Variants in TOR3A observed in about 807,000 individuals in gnomAD.
The protein encoded by TOR3A is torsin family 3 member A.
Under a neutral mutation model 42.1 loss-of-function variants are expected in TOR3A, and 44 were observed. The observed-to-expected ratio is 1.04, with a 90% CI of 0.82 to 1.34. TOR3A has a LOEUF of 1.34. TOR3A is among the 40% of genes most tolerant of loss of function. The probability of loss-of-function intolerance (pLI) is 0.00; values close to 1 mark genes in which losing one functional copy is unlikely to be tolerated. For missense variants in TOR3A, 521 were observed against 507.6 expected, an observed-to-expected ratio of 1.03 and a Z score of -0.25; for synonymous variants, 227 against 213.2, an observed-to-expected ratio of 1.06 and a Z score of -0.57.
intron 1 of TOR3A, 200 bp downstream of exon 1, chr1:179,082,587 C>T (rs1652319843): frequency 1.3e-5 from 11 of 822,488 alleles, no homozygotes; most frequent in South Asian, 1.3e-4. Context: ...CCCGCGTCCC[C>T]TGCGCACCCC....
intron 3 of TOR3A, among the ~76,000 whole-genome samples, chr1:179,086,583 G>A (rs1392466312): frequency 1.3e-5 from 2 of 151,664 alleles, no homozygotes; most frequent in African/African-American, 2.4e-5. Context: ...GGAGAATGGC[G>A]TGAACCCGGG....
chr1:179,094,947 T>TAA lies in TOR3A; in HGVS notation c.944-20_944-19dup, dbSNP rs754629551. On this transcript the variant is annotated intron_variant, in intron 5 of 5. Coordinates refer to ENST00000367627, the MANE Select transcript of TOR3A (RefSeq NM_022371.4). The stretch of plus-strand genomic sequence containing the variant: ...GTTCAGTCCTAGGTCAGACTCCATG[T>TAA]AACTTTGGTCTTGCTTTCAGACAAT... The TAA allele has an allele frequency of 3.7e-6, 6 of 1,613,616 alleles. No homozygotes were observed. The Admixed American group carries it at 1.0e-4, about 27-fold the overall frequency.
chr1:179,095,607 T>G lies in TOR3A; in HGVS notation c.*389T>G. Reference sequence around the variant, plus strand: ...GCTTATTATGACACTCCAGATGGTCTCCTTAGCATCTCAGCTCTTCTGCAA... The same window carrying G: ...GCTTATTATGACACTCCAGATGGTCGCCTTAGCATCTCAGCTCTTCTGCAA... On this transcript the variant is annotated 3_prime_UTR_variant, in exon 6 of 6. Transcript: ENST00000367627. The G allele has an allele frequency of 9.4e-7, 1 of 1,065,876 alleles. No homozygotes were observed. The highest frequency in any genetic ancestry group is 1.1e-6 in the Non-Finnish European group (1 of 880,308). The allele number at this position is 1,065,876 out of a possible 1,614,324, so 66.0% of individuals were successfully genotyped here. A position where few individuals can be genotyped will look rare whatever the true frequency, so the allele number is the denominator to read the frequency against.
intron 1 of TOR3A, 130 bp downstream of exon 1, chr1:179,082,517 C>A: frequency 7.4e-7 from 1 of 1,348,268 alleles, no homozygotes; most frequent in Non-Finnish European, 9.9e-7. Flanking sequence ...GCCGCCGGTA[C>A]CGGCTGTGGG....
At chr1:179,086,241 C>T (rs565488379) in intron 3 of TOR3A, among the ~76,000 whole-genome samples, 48 of 152,370 alleles carry the variant, frequency 3.2e-4, no homozygotes, top group Admixed American at 5.9e-4. Context: ...ACTCTCCACA[C>T]GGACACACCC....
intron 2 of TOR3A, among the ~76,000 whole-genome samples, chr1:179,084,662 T>C (rs948532998): frequency 6.6e-6 from 1 of 152,252 alleles, no homozygotes; most frequent in African/African-American, 2.4e-5. Context: ...CTACTACTTT[T>C]GGAGCAATGT....
chr1:179,082,908 T>C, intron 1 of TOR3A, 32 bp from the exon 2 acceptor site: 1 of 1,435,660 alleles, frequency 7.0e-7, no homozygotes, highest in South Asian at 1.3e-5. Context: ...CCGGATGGTC[T>C]CCTCTCGGTC....
At chr1:179,092,002 A>G (rs1291312931) in intron 4 of TOR3A, among the ~76,000 whole-genome samples, 1 of 152,220 alleles carries the variant, frequency 6.6e-6, no homozygotes, top group African/African-American at 2.4e-5. Context: ...AGCACTGCAG[A>G]TGGCCCTTGT....
chr1:179,093,003 CA>C (rs1449311872), intron 4 of TOR3A, among the ~76,000 whole-genome samples: 1 of 152,058 alleles, frequency 6.6e-6, no homozygotes, highest in Non-Finnish European at 1.5e-5. Flanking sequence ...AGACTGTCTC[CA>C]AAAAGAGAGA....
chr1:179,089,438 C>A (rs1030989821), intron 4 of TOR3A, among the ~76,000 whole-genome samples: 2 of 151,674 alleles, frequency 1.3e-5, no homozygotes, highest in African/African-American at 4.9e-5. Context: ...AAATGCATTG[C>A]GAAGTGGGAG....
chr1:179,088,005 T>C lies in TOR3A; in HGVS notation c.734T>C (p.Leu245Pro). Reference sequence around the variant, plus strand: ...GCGGAGAAGCTGCACCCAGGGCTGCTGGAGGTCCTTGGGCCACACTTAGAA... The same window carrying C: ...GCGGAGAAGCTGCACCCAGGGCTGCCGGAGGTCCTTGGGCCACACTTAGAA... ...DEAEKLHPGLLEVLGPHLERR... is the reference protein window; with the variant it reads ...DEAEKLHPGLPEVLGPHLERR... Residue 245 changes from leucine (L) to proline (P), a missense_variant, in exon 4 of 6, where the codon CTG (leucine) becomes CCG (proline). By Grantham distance (98) the Leu-to-Pro change is moderately conservative (BLOSUM62 -3). Transcript: ENST00000367627. The C allele has an allele frequency of 6.2e-7, 1 of 1,613,692 alleles. No individual in the cohort carries two copies. Among genetic ancestry groups the C allele is most frequent in the Non-Finnish European group, 8.5e-7 (1 of 1,179,778 alleles).
intron 5 of TOR3A, among the ~76,000 whole-genome samples, 170 bp from the exon 6 acceptor site, chr1:179,094,797 GA>G (rs374359800): frequency 5.9e-5 from 9 of 152,234 alleles, no homozygotes; most frequent in South Asian, 4.2e-4. Context: ...AGGATCCCTT[GA>G]ACCTAGGAGG....
intron 4 of TOR3A, among the ~76,000 whole-genome samples, chr1:179,092,716 C>CT (rs1283984248): frequency 6.6e-6 from 1 of 152,128 alleles, no homozygotes; most frequent in Non-Finnish European, 1.5e-5. Flanking sequence ...TGGCATGTGC[C>CT]TGTAATCCCA....
chr1:179,095,066 C>G lies in TOR3A; in HGVS notation c.1042C>G (p.Arg348Gly). The change falls in exon 6 of 6, where the codon CGG (arginine) becomes GGG (glycine). Residue 348 changes from arginine to glycine, a missense_variant. Physicochemically the swap from Arg to Gly is moderately radical, Grantham distance 125. Transcript: ENST00000367627. ...GTACCGTCACGTGAGGCTGTGTGCACGGGATGCCTTCCTGAGCCAGGAGCT... is the reference window on the plus strand; with the variant it reads ...GTACCGTCACGTGAGGCTGTGTGCAGGGGATGCCTTCCTGAGCCAGGAGCT... ...LEYRHVRLCARDAFLSQELLY... is the reference protein window; with the variant it reads ...LEYRHVRLCAGDAFLSQELLY... 6.2e-7 allele frequency: 1 copy of G among 1,614,160 alleles called. No individual in the cohort carries two copies. Among genetic ancestry groups the G allele is most frequent in the South Asian group, 1.1e-5 (1 of 91,092 alleles).
chr1:179,092,090 C>A (rs1652604718), intron 4 of TOR3A, among the ~76,000 whole-genome samples: 1 of 152,192 alleles, frequency 6.6e-6, no homozygotes, highest in Non-Finnish European at 1.5e-5. Flanking sequence ...GCACCTCCCC[C>A]TACAATGAGG....
chr1:179,083,455 C>T (rs138961413), intron 2 of TOR3A, among the ~76,000 whole-genome samples: 61 of 150,948 alleles, frequency 4.0e-4, no homozygotes, highest in African/African-American at 1.5e-3. Context: ...TGCAGTGGTG[C>T]GATCTCAGCT....
At position 179,082,352 on chromosome 1, in the gene TOR3A, G is replaced by A; in HGVS notation, c.224G>A (p.Cys75Tyr). The part of the protein sequence containing the change: ...LFSCQVWPDD[C>Y]DEDEEAATGP... The stretch of plus-strand genomic sequence containing the variant: ...AGCTGCCAGGTGTGGCCCGACGACT[G>A]TGACGAGGACGAGGAGGCAGCCACG... Residue 75 changes from cysteine to tyrosine, a missense_variant, in exon 1 of 6, where the codon TGT becomes TAT. Physicochemically the swap from Cys to Tyr is radical, Grantham distance 194. Transcript: ENST00000367627. 2 of 1,607,060 alleles carry A rather than the reference G, an allele frequency of 1.2e-6. No homozygotes were observed. The highest frequency in any genetic ancestry group is 1.7e-6 in the Non-Finnish European group (2 of 1,177,958).
At chr1:179,082,865 T>A (rs371812025) in intron 1 of TOR3A, 75 bp from the exon 2 acceptor site, 67 of 971,474 alleles carry the variant, frequency 6.9e-5, no homozygotes, top group Middle Eastern at 6.2e-4. Flanking sequence ...CCTGACAAGT[T>A]GTGTGGCAAG....
Position 179,095,627 on chromosome 1 carries a change from C to G in TOR3A, c.*409C>G, listed in dbSNP as rs1292255689. ...TGGTCTCCTTAGCATCTCAGCTCTT[C>G]TGCAAGGAAGAGCTTGGGTGTTAGG... On this transcript the variant is annotated 3_prime_UTR_variant, in exon 6 of 6. Transcript: ENST00000367627. 6 of 1,038,250 alleles carry G rather than the reference C, an allele frequency of 5.8e-6. No individual in the cohort carries two copies. The highest frequency in any genetic ancestry group is 7.0e-6 in the Non-Finnish European group (6 of 863,002). 64.3% of individuals were successfully genotyped at this position (1,038,250 alleles called of 1,614,324 possible). A position where few individuals can be genotyped will look rare whatever the true frequency, so the allele number is the denominator to read the frequency against.
Sources: gnomAD v4.1 joint callset for allele counts (sites outside exome capture counted in the v4.1 genomes callset) on GRCh38, gnomAD v4.1.1 for gene constraint, MANE v1.5 for transcripts, NCBI Gene and HGNC (gene_info 2026-07-23, HGNC 2026-07-21) for gene names.